PRDM16: variants seen among roughly 807,000 people sequenced by gnomAD.
PRDM16 encodes PR/SET domain 16, also known as histone-lysine N-methyltransferase PRDM16.
In PRDM16, 23 loss-of-function variants were observed where a neutral mutation model predicts 110.6. The ratio of observed to expected loss-of-function variants is 0.21; its 90% CI spans 0.15 to 0.29. The LOEUF (loss-of-function observed/expected upper bound fraction) is 0.29. PRDM16 is among the 10% of genes least tolerant of loss of function. PRDM16 has a pLI of 1.00. For synonymous variants in PRDM16, 799 were observed against 781.8 expected (o/e 1.02, Z -0.37); for missense variants, 1,615 against 1,794.3 (o/e 0.90, Z 1.81).
intron 3 of PRDM16, among the ~76,000 whole-genome samples, chr1:3,294,938 C>T (rs971061454): frequency 4.6e-5 from 7 of 152,214 alleles, no homozygotes; most frequent in African/African-American, 1.4e-4. Flanking sequence ...AAGTGGCCAT[C>T]GGTGTCAGGC....
chr1:3,117,050 C>T (rs1446850669), intron 1 of PRDM16, among the ~76,000 whole-genome samples: 1 of 152,226 alleles, frequency 6.6e-6, no homozygotes, highest in East Asian at 1.9e-4. Flanking sequence ...ACAGCTGCCC[C>T]CAGGACCCAC....
chr1:3,326,050 T>TC lies in PRDM16; in HGVS notation c.439-59101dup, dbSNP rs766853756. On this transcript the variant is annotated intron_variant, in intron 3 of 16. Transcript: ENST00000270722. Reference sequence around the variant, plus strand: ...GGCCCTCCTTGGCCATCCTCGGCCCTCTTGGCCCCCCTTGGCCATCCTCGA... The same window carrying TC: ...GGCCCTCCTTGGCCATCCTCGGCCCTCCTTGGCCCCCCTTGGCCATCCTCGA... Among the ~76,000 whole-genome samples, 57 of 43,300 alleles carry TC rather than the reference T, an allele frequency of 1.3e-3. 6 individuals are homozygous for TC. Among genetic ancestry groups the TC allele is most frequent in the Admixed American group, 5.2e-3 (25 of 4,838 alleles). 28.4% of individuals were successfully genotyped at this position (43,300 alleles called of 152,430 possible).
intron 3 of PRDM16, among the ~76,000 whole-genome samples, chr1:3,348,754 G>A (rs1055873046): frequency 2.6e-5 from 4 of 152,246 alleles, no homozygotes; most frequent in African/African-American, 7.2e-5. Context: ...CTTGGGGACC[G>A]GGGCCGCAGT....
At chr1:3,181,206 G>GGTCTTACACACGCA (rs1309152534) in intron 1 of PRDM16, among the ~76,000 whole-genome samples, 2 of 109,484 alleles carry the variant, frequency 1.8e-5, no homozygotes, top group African/African-American at 3.7e-5. Context: ...TCTTACACAC[G>GGTCTTACACACGCA]GTCTTACACA....
intron 1 of PRDM16, among the ~76,000 whole-genome samples, chr1:3,162,540 C>A (rs956654539): frequency 4.6e-5 from 7 of 152,120 alleles, no homozygotes; most frequent in Non-Finnish European, 1.5e-5. Flanking sequence ...GTCGTCATTA[C>A]GGATTTATTA....
chr1:3,280,894 C>T (rs755680965), intron 3 of PRDM16, among the ~76,000 whole-genome samples: 26 of 152,188 alleles, frequency 1.7e-4, no homozygotes, highest in Non-Finnish European at 3.2e-4. Flanking sequence ...AGAAACAATG[C>T]GGAGCCCCCA....
intron 2 of PRDM16, among the ~76,000 whole-genome samples, chr1:3,192,309 G>T (rs1006473722): frequency 6.6e-6 from 1 of 152,190 alleles, no homozygotes; most frequent in African/African-American, 2.4e-5. Context: ...GTGCCTGCAG[G>T]CCTTGCTTCT....
At position 3,340,945 on chromosome 1, in the gene PRDM16, G is replaced by A. The variant is rs181740110; in HGVS notation, c.439-44207G>A. ...TGGAGTCCTCCCTGGAGGAAGGGGA[G>A]CATGGCCCCCGTGAGCTGACCCCAG... On this transcript the variant is annotated intron_variant, in intron 3 of 16. Transcript: ENST00000270722. 9.2e-5 allele frequency among the ~76,000 whole-genome samples: 14 copies of A among 152,314 alleles called. 1 individual carries two copies. The East Asian group carries it at 2.5e-3, about 27-fold the overall frequency.
chr1:3,305,022 A>T lies in PRDM16; in HGVS notation c.438+60885A>T, dbSNP rs984200957. Among the ~76,000 whole-genome samples, 11 of 152,150 alleles carry T rather than the reference A, an allele frequency of 7.2e-5. 1 individual carries two copies. Among genetic ancestry groups the T allele is most frequent in the Admixed American group, 5.9e-4 (9 of 15,288 alleles). The stretch of plus-strand genomic sequence containing the variant: ...TGTGCACTTCTGACCAATCGAGTGA[A>T]CTGTGTTGAGAAACGGATGATGGGT... On this transcript the variant is annotated intron_variant, in intron 3 of 16. Coordinates refer to ENST00000270722, the MANE Select transcript of PRDM16 (RefSeq NM_022114.4).
At chr1:3,217,833 G>A (rs1409408203) in intron 2 of PRDM16, among the ~76,000 whole-genome samples, 2 of 152,148 alleles carry the variant, frequency 1.3e-5, no homozygotes, top group African/African-American at 2.4e-5. Context: ...AGAAGTATTC[G>A]GGATGCCGCC....
intron 3 of PRDM16, among the ~76,000 whole-genome samples, chr1:3,278,020 G>T (rs191333300): frequency 6.6e-6 from 1 of 152,350 alleles, no homozygotes; most frequent in Non-Finnish European, 1.5e-5. Context: ...TGAAAAGGAG[G>T]GAGGGCAGGG....
intron 1 of PRDM16, among the ~76,000 whole-genome samples, chr1:3,181,272 C>T (rs867593339): frequency 4.3e-4 from 37 of 85,148 alleles, no homozygotes; most frequent in Admixed American, 7.2e-4. Flanking sequence ...TTACACACGG[C>T]CTTACGCATG....
intron 1 of PRDM16, chr1:3,133,155 T>C (rs1362497088): frequency 6.6e-6 from 1 of 152,292 alleles, no homozygotes. Context: ...AACCGGCTTC[T>C]GGTGGTGGAG....
intron 1 of PRDM16, among the ~76,000 whole-genome samples, chr1:3,070,621 C>G (rs879934102): frequency 6.6e-6 from 1 of 151,382 alleles, no homozygotes; most frequent in Non-Finnish European, 1.5e-5. Flanking sequence ...TCCGCGCCTC[C>G]GGGGCCGGGT....
At position 3,143,877 on chromosome 1, in the gene PRDM16, A is replaced by C. The variant is rs1474131709; in HGVS notation, c.38-42248A>C. Among the ~76,000 whole-genome samples, 9 of 151,986 alleles carry C rather than the reference A, an allele frequency of 5.9e-5. No homozygotes were observed. The highest frequency in any genetic ancestry group is 5.9e-4 in the Admixed American group (9 of 15,262). The stretch of plus-strand genomic sequence containing the variant: ...CTGAGGCCCTGTCTGTGGATGGAGG[A>C]GGAGGGACTGGCAAGCTTGGGGTTC... On this transcript the variant is annotated intron_variant, in intron 1 of 16. Transcript: ENST00000270722. The surrounding 1 kb of genome is among the most constrained non-coding windows in gnomAD (Gnocchi z 4.5).
chr1:3,159,649 C>A (rs931779536), intron 1 of PRDM16, among the ~76,000 whole-genome samples: 19 of 152,326 alleles, frequency 1.2e-4, no homozygotes, highest in African/African-American at 4.1e-4. Context: ...ACACAGTCAG[C>A]CCACACGGGT....
In PRDM16 at chr1:3,216,623, G is replaced by C. The variant is rs1196074387; in HGVS notation, c.388-27464G>C. On this transcript the variant is annotated intron_variant, in intron 2 of 16. Coordinates refer to ENST00000270722, the MANE Select transcript of PRDM16 (RefSeq NM_022114.4). ...ATAGAAGGCTGAGGTGGGCATCCTAGCAGGCTGGAGCTGGGCATCCCAGAG... is the reference window on the plus strand; with the variant it reads ...ATAGAAGGCTGAGGTGGGCATCCTACCAGGCTGGAGCTGGGCATCCCAGAG... Among the ~76,000 whole-genome samples the C allele has an allele frequency of 2.0e-5, 3 of 152,318 alleles. No individual in the cohort carries two copies. The East Asian group carries it at 5.8e-4, about 29-fold the overall frequency.
At chr1:3,341,760 G>A (rs908731742) in intron 3 of PRDM16, among the ~76,000 whole-genome samples, 48 of 152,316 alleles carry the variant, frequency 3.2e-4, no homozygotes, top group African/African-American at 9.1e-4. Flanking sequence ...AGCAGCTGCC[G>A]CTCCCAGGCC....
intron 1 of PRDM16, among the ~76,000 whole-genome samples, chr1:3,140,824 G>A (rs745542983): frequency 1.4e-4 from 21 of 152,246 alleles, no homozygotes; most frequent in African/African-American, 4.8e-4. Flanking sequence ...TCCATGGTAC[G>A]ACGGATGGGC....
Sources: allele counts gnomAD v4.1 joint callset (sites outside exome capture counted in the v4.1 genomes callset), GRCh38; gene constraint gnomAD v4.1.1; non-coding constraint Gnocchi (gnomAD v3.1); transcripts MANE v1.5; gene names NCBI Gene and HGNC (gene_info 2026-07-23, HGNC 2026-07-21).